The following CA10 variants were observed in gnomAD, a reference collection of about 807,000 sequenced individuals.
The protein encoded by CA10 is carbonic anhydrase 10 (inactive).
A neutral mutation model predicts 44.2 loss-of-function variants in CA10; 14 were observed. The observed-to-expected ratio is 0.32, with a 90% CI of 0.21 to 0.50. The LOEUF (loss-of-function observed/expected upper bound fraction) is 0.50, where lower values mean the gene tolerates loss of function less well. Among genes scored for constraint, CA10 ranks in the 20% least tolerant of loss-of-function variants. The pLI is 0.99. For missense variants in CA10, 350 were observed against 409.7 expected, an observed-to-expected ratio of 0.85 and a Z score of 1.26; for synonymous variants, 159 against 141.6, an observed-to-expected ratio of 1.12 and a Z score of -0.87.
chr17:52,115,434 G>A (rs1988873010), intron 1 of CA10, among the ~76,000 whole-genome samples: 1 of 152,086 alleles, frequency 6.6e-6, no homozygotes, highest in Non-Finnish European at 1.5e-5. Context: ...GAGCCTTCTT[G>A]TTCTCAGATT....
chr17:51,683,149 A>G (rs1914898727), intron 4 of CA10, among the ~76,000 whole-genome samples: 1 of 152,192 alleles, frequency 6.6e-6, no homozygotes, highest in African/African-American at 2.4e-5. Flanking sequence ...CTGACCCTTA[A>G]TTCTAAACCC....
At position 51,682,478 on chromosome 17, in the gene CA10, T is replaced by C. The variant is rs532465341; in HGVS notation, c.466-28742A>G. 3.9e-5 allele frequency among the ~76,000 whole-genome samples: 6 copies of C among 152,328 alleles called. No homozygotes were observed. In the South Asian group the frequency reaches 1.2e-3, roughly 32 times the overall value. On this transcript the variant is annotated intron_variant, in intron 4 of 8. Coordinates refer to ENST00000451037, the MANE Select transcript of CA10 (RefSeq NM_020178.5). ...AGGGCTCAAGGCAGAAGGTGGGTTT[T>C]ATAAATCAGCAGGTAAGTAAAATAA...
At chr17:51,991,778 C>A (rs1985049506) in intron 2 of CA10, among the ~76,000 whole-genome samples, 1 of 152,144 alleles carries the variant, frequency 6.6e-6, no homozygotes, top group African/African-American at 2.4e-5. Flanking sequence ...CACTGCACTC[C>A]AGACTGGGCA....
chr17:51,719,118 A>G (rs1916272182), intron 4 of CA10, among the ~76,000 whole-genome samples: 1 of 152,206 alleles, frequency 6.6e-6, no homozygotes, highest in African/African-American at 2.4e-5. Flanking sequence ...GAGGGATTTG[A>G]TGAATCATAA....
intron 2 of CA10, among the ~76,000 whole-genome samples, chr17:51,937,305 T>C (rs1256188952): frequency 6.6e-6 from 1 of 152,214 alleles, no homozygotes; most frequent in African/African-American, 2.4e-5. Context: ...TCTTCCTCTC[T>C]TCTCAACTGT....
intron 3 of CA10, among the ~76,000 whole-genome samples, chr17:51,756,031 C>CT (rs1905065302): frequency 6.6e-6 from 1 of 151,466 alleles, no homozygotes; most frequent in African/African-American, 2.4e-5. Context: ...GCATTCTTGC[C>CT]TTTGAGATTT....
At chr17:51,840,144 A>C (rs1978307071) in intron 3 of CA10, among the ~76,000 whole-genome samples, 1 of 152,154 alleles carries the variant, frequency 6.6e-6, no homozygotes, top group African/African-American at 2.4e-5. Flanking sequence ...TTCACCTGGG[A>C]AAGTGGATAA....
At chr17:51,970,275 G>C (rs1291784828) in intron 2 of CA10, among the ~76,000 whole-genome samples, 1 of 151,706 alleles carries the variant, frequency 6.6e-6, no homozygotes, top group Non-Finnish European at 1.5e-5. Context: ...TTTTATGAGA[G>C]TGTGGATTAA....
Position 52,072,325 on chromosome 17 carries a change from C to A in CA10, c.130G>T (p.Val44Phe). 1 of 1,608,752 alleles carries A rather than the reference C, an allele frequency of 6.2e-7. No individual in the cohort carries two copies. The highest frequency in any genetic ancestry group is 8.5e-7 in the Non-Finnish European group (1 of 1,175,310). Reference sequence around the variant, plus strand: ...AGAATTAATGTGTACTTACCTGGAACAAAGCTTCCCTGGACCACCTCCTTG... The same window carrying A: ...AGAATTAATGTGTACTTACCTGGAAAAAAGCTTCCCTGGACCACCTCCTTG... ...AYKEVVQGSF[V>F]PVPSFWGLVN... The change falls in exon 2 of 9, where the codon GTT becomes TTT. Residue 44 changes from valine (V) to phenylalanine (F), a missense_variant. Val to Phe is a conservative substitution (Grantham distance 50). Coordinates refer to ENST00000451037, the MANE Select transcript of CA10 (RefSeq NM_020178.5).
At chr17:51,633,864 T>C (rs1912707261) in intron 7 of CA10, among the ~76,000 whole-genome samples, 1 of 152,224 alleles carries the variant, frequency 6.6e-6, no homozygotes, top group South Asian at 2.1e-4. Flanking sequence ...TCTAGCTTAC[T>C]AGCTTGTGTA....
chr17:52,154,516 C>T (rs757610210), intron 1 of CA10, among the ~76,000 whole-genome samples: 1 of 152,194 alleles, frequency 6.6e-6, no homozygotes, highest in Non-Finnish European at 1.5e-5. Flanking sequence ...TTTCTCTCCT[C>T]GTGCTGCTAA....
chr17:52,128,373 T>C (rs1271321768), intron 1 of CA10, among the ~76,000 whole-genome samples: 3 of 152,170 alleles, frequency 2.0e-5, no homozygotes, highest in African/African-American at 7.2e-5. Flanking sequence ...GATAAATATA[T>C]CTTGAAAGAA....
At chr17:51,742,387 C>T (rs1460079606) in intron 4 of CA10, among the ~76,000 whole-genome samples, 1 of 152,196 alleles carries the variant, frequency 6.6e-6, no homozygotes, top group East Asian at 1.9e-4. Context: ...CTGAGCACTC[C>T]TCACAAGCCA....
At chr17:51,886,505 A>C (rs982002857) in intron 3 of CA10, among the ~76,000 whole-genome samples, 5 of 152,224 alleles carry the variant, frequency 3.3e-5, no homozygotes, top group African/African-American at 1.2e-4. Context: ...CCAGGAAAAT[A>C]TGAGAATACT....
At chr17:51,829,195 G>A (rs1354567791) in intron 3 of CA10, among the ~76,000 whole-genome samples, 1 of 152,218 alleles carries the variant, frequency 6.6e-6, no homozygotes, top group Non-Finnish European at 1.5e-5. Context: ...GCCAATCCTT[G>A]CCTAAGGGTA....
chr17:52,142,597 A>C (rs1379124045), intron 1 of CA10, among the ~76,000 whole-genome samples: 1 of 152,186 alleles, frequency 6.6e-6, no homozygotes, highest in Non-Finnish European at 1.5e-5. Flanking sequence ...ATATATATAT[A>C]AAATTACAGC....
intron 3 of CA10, among the ~76,000 whole-genome samples, chr17:51,791,260 A>C (rs1906508018): frequency 6.6e-6 from 1 of 152,216 alleles, no homozygotes; most frequent in Admixed American, 6.5e-5. Context: ...GTACCAGTTT[A>C]ATATTACCTA....
intron 3 of CA10, among the ~76,000 whole-genome samples, chr17:51,797,881 A>C (rs986561952): frequency 8.1e-5 from 12 of 148,918 alleles, no homozygotes; most frequent in African/African-American, 3.0e-4. Context: ...AAAAAGAACG[A>C]AATCTATATT....
intron 4 of CA10, among the ~76,000 whole-genome samples, chr17:51,669,833 A>G (rs1213709484): frequency 6.6e-6 from 1 of 152,220 alleles, no homozygotes; most frequent in Non-Finnish European, 1.5e-5. Context: ...CAAGACCAAG[A>G]ACCCGCCAAT....
Sources: gnomAD v4.1 joint callset for allele counts (sites outside exome capture counted in the v4.1 genomes callset) on GRCh38, gnomAD v4.1.1 for gene constraint, MANE v1.5 for transcripts, NCBI Gene and HGNC (gene_info 2026-07-23, HGNC 2026-07-21) for gene names.